GCSAM: variants seen among roughly 807,000 people sequenced by gnomAD.
The protein encoded by GCSAM is germinal center-associated signaling and motility protein.
In GCSAM, 8 loss-of-function variants were observed where a neutral mutation model predicts 17.6. The ratio of observed to expected loss-of-function variants is 0.46; its 90% CI spans 0.27 to 0.82. The LOEUF (loss-of-function observed/expected upper bound fraction) is 0.82, where lower values mean the gene tolerates loss of function less well. Among genes scored for constraint, GCSAM ranks in the 40% least tolerant of loss-of-function variants. The pLI is 0.15. For synonymous variants in GCSAM, 68 were observed against 69.0 expected (o/e 0.98, Z 0.07); for missense variants, 192 against 213.5 (o/e 0.90, Z 0.63).
At chr3:112,128,100 T>C in intron 2 of GCSAM, 39 bp from the exon 3 acceptor site, 1 of 1,585,132 alleles carries the variant, frequency 6.3e-7, no homozygotes, top group Non-Finnish European at 8.7e-7. Flanking sequence ...ATAAGGTTGA[T>C]TTCTGCAGCT....
chr3:112,133,139 G>T lies in GCSAM; in HGVS notation c.-19C>A. The T allele has an allele frequency of 6.2e-7, 1 of 1,613,676 alleles. No individual in the cohort carries two copies. The highest frequency in any genetic ancestry group is 8.5e-7 in the Non-Finnish European group (1 of 1,179,618). On this transcript the variant is annotated 5_prime_UTR_variant, in exon 1 of 6. Transcript: ENST00000308910. ...TTCCCATCCTCTCAGTCCTCTCAGG[G>T]CTTCCCCTCCGTCCCTTTACCACTT...
Position 112,133,243 on chromosome 3 carries a change from C to T in GCSAM, c.-123G>A, listed in dbSNP as rs2074501833. On this transcript the variant is annotated 5_prime_UTR_variant, in exon 1 of 6. Coordinates refer to ENST00000308910, the MANE Select transcript of GCSAM (RefSeq NM_152785.5). ...GTGGCTCTGGCCACCCGTGCAGAGA[C>T]AGCAGAAAGGAGAAGGGTGTCTCTG... 3 of 1,009,818 alleles carry T rather than the reference C, an allele frequency of 3.0e-6. No homozygotes were observed. In the South Asian group the frequency reaches 4.1e-5, roughly 14 times the overall value. The allele number at this position is 1,009,818 out of a possible 1,614,324, so 62.6% of individuals were successfully genotyped here.
In GCSAM at chr3:112,122,792, G is replaced by A. The variant is rs1031071510; in HGVS notation, c.*663C>T. 1 of 152,158 alleles carries A rather than the reference G, an allele frequency of 6.6e-6. No individual in the cohort carries two copies. Among genetic ancestry groups the A allele is most frequent in the African/African-American group, 2.4e-5 (1 of 41,412 alleles). 9.4% of individuals were successfully genotyped at this position (152,158 alleles called of 1,614,324 possible). On this transcript the variant is annotated 3_prime_UTR_variant, in exon 6 of 6. Transcript: ENST00000308910. The stretch of plus-strand genomic sequence containing the variant: ...TCCAAGGATCGTTCTTCTTAACATT[G>A]TCTGATGGCATAATTGTCTTATTAA...
At chr3:112,125,072 C>G (rs1433813350) in intron 5 of GCSAM, among the ~76,000 whole-genome samples, 154 bp downstream of exon 5, 1 of 152,180 alleles carries the variant, frequency 6.6e-6, no homozygotes, top group East Asian at 1.9e-4. Context: ...CCACCCGGCC[C>G]TGCACCTGCC....
In GCSAM at chr3:112,128,054, C is replaced by T. The variant is rs1253059077; in HGVS notation, c.106G>A (p.Asp36Asn). Residue 36 changes from aspartate to asparagine, a missense_variant, in exon 3 of 6, where the codon GAT becomes AAT. By Grantham distance (23) the Asp-to-Asn change is conservative. Transcript: ENST00000308910. ...SPKQRTSRCWDHHIAEGCFCL... is the reference protein window; with the variant it reads ...SPKQRTSRCWNHHIAEGCFCL... ...AAACACCCTTCAGCGATATGGTGAT[C>T]CCAGCATCTAAAATACCCAAGAGAG... The T allele has an allele frequency of 3.1e-6, 5 of 1,613,528 alleles. No homozygotes were observed. The highest frequency in any genetic ancestry group is 4.2e-6 in the Non-Finnish European group (5 of 1,179,664).
intron 4 of GCSAM, 61 bp from the exon 5 acceptor site, chr3:112,125,315 A>G (rs2074292145): frequency 1.8e-6 from 2 of 1,126,560 alleles, no homozygotes; most frequent in Non-Finnish European, 2.7e-6. Flanking sequence ...AGGGAAGAGC[A>G]GGGGAGGCTA....
chr3:112,130,788 A>T, intron 1 of GCSAM: 1 of 463,640 alleles, frequency 2.2e-6, no homozygotes, highest in Non-Finnish European at 4.0e-6. Flanking sequence ...ATATCCAGGG[A>T]TCCTCGTCAT....
chr3:112,132,654 A>G (rs2074485144), intron 1 of GCSAM: 1 of 987,330 alleles, frequency 1.0e-6, no homozygotes, highest in Non-Finnish European at 1.2e-6. Flanking sequence ...CAGGGAGTGC[A>G]CATCAAAGGA....
At position 112,128,369 on chromosome 3, in the gene GCSAM, T is replaced by C. The variant is rs1476795017; in HGVS notation, c.99-308A>G. 5.9e-6 allele frequency: 3 copies of C among 512,168 alleles called. No homozygotes were observed. In the Admixed American group the frequency reaches 9.0e-5, roughly 15 times the overall value. 31.7% of individuals were successfully genotyped at this position (512,168 alleles called of 1,614,324 possible). On this transcript the variant is annotated intron_variant, in intron 2 of 5. Transcript: ENST00000308910. ...TGTAATGAAGAACACGTAAGTGTTA[T>C]CCCCAGGAAATCAAGGTACAAGTGT...
intron 3 of GCSAM, 97 bp from the exon 4 acceptor site, chr3:112,127,130 G>T (rs1280161899): frequency 1.4e-6 from 1 of 733,508 alleles, no homozygotes; most frequent in Non-Finnish European, 2.3e-6. Context: ...CTTTGTTAAA[G>T]TTATATACCT....
Position 112,128,077 on chromosome 3 carries a change from G to C in GCSAM, c.99-16C>G. The C allele has an allele frequency of 6.2e-7, 1 of 1,611,720 alleles. No individual in the cohort carries two copies. The highest frequency in any genetic ancestry group is 8.5e-7 in the Non-Finnish European group (1 of 1,177,906). On this transcript the variant is annotated splice_polypyrimidine_tract_variant and intron_variant, in intron 2 of 5. Transcript: ENST00000308910. ...ATCCCAGCATCTAAAATACCCAAGA[G>C]AGATGGCAAATCATAAGGTTGATTT...
chr3:112,129,043 C>T (rs998159924), intron 2 of GCSAM: 7 of 152,378 alleles, frequency 4.6e-5, no homozygotes, highest in African/African-American at 1.7e-4. Flanking sequence ...AGCATTCTGA[C>T]AACCTCTAAG....
chr3:112,125,399 C>G (rs368602292), intron 4 of GCSAM, 145 bp from the exon 5 acceptor site: 1 of 644,362 alleles, frequency 1.6e-6, no homozygotes. Flanking sequence ...ACAGCACATC[C>G]CTGGGGAGTG....
Position 112,127,021 on chromosome 3 carries a change from GA to G in GCSAM, c.155del (p.Leu52ProfsTer137). The G allele has an allele frequency of 6.3e-7, 1 of 1,584,814 alleles. No homozygotes were observed. The highest frequency in any genetic ancestry group is 8.6e-7 in the Non-Finnish European group (1 of 1,156,858). On this transcript the variant is annotated frameshift_variant, in exon 4 of 6. Coordinates refer to ENST00000308910, the MANE Select transcript of GCSAM (RefSeq NM_152785.5). LOFTEE classifies it high-confidence loss of function. ...GGGAATCTTGCCTCTTTTCAAAAAT[GA>G]GTATTTTTTTCCTGTAAAAGAAAAG... ...GCFCLPWKKILIFEKRQDSQN... is the reference protein window; with the variant it reads ...GCFCLPWKKIXIFEKRQDSQN...
In GCSAM at chr3:112,122,814, T is replaced by C. The variant is rs2074225481; in HGVS notation, c.*641A>G. On this transcript the variant is annotated 3_prime_UTR_variant, in exon 6 of 6. Transcript: ENST00000308910. ...ATTGTCTGATGGCATAATTGTCTTA[T>C]TAAGATTTCTAGGGAGAAATACAAA... 1 of 152,296 alleles carries C rather than the reference T, an allele frequency of 6.6e-6. No individual in the cohort carries two copies. Among genetic ancestry groups the C allele is most frequent in the South Asian group, 2.1e-4 (1 of 4,832 alleles). 9.4% of individuals were successfully genotyped at this position (152,296 alleles called of 1,614,324 possible).
At chr3:112,128,949 C>T (rs1424252269) in intron 2 of GCSAM, 1 of 152,248 alleles carries the variant, frequency 6.6e-6, no homozygotes, top group Non-Finnish European at 1.5e-5. Flanking sequence ...CCCCCGTGAG[C>T]TTTCCCATGA....
At chr3:112,123,912 A>C in intron 5 of GCSAM, 140 bp from the exon 6 acceptor site, 1 of 833,976 alleles carries the variant, frequency 1.2e-6, no homozygotes, top group Non-Finnish European at 1.9e-6. Context: ...ATTTTTTTCT[A>C]AATGGCTGCT....
chr3:112,124,435 C>G (rs1018697234), intron 5 of GCSAM, among the ~76,000 whole-genome samples: 1 of 152,012 alleles, frequency 6.6e-6, no homozygotes, highest in South Asian at 2.1e-4. Context: ...ATGGTGAAAC[C>G]CCATTTCTAC....
chr3:112,132,551 A>G, intron 1 of GCSAM: 1 of 542,420 alleles, frequency 1.8e-6, no homozygotes, highest in Non-Finnish European at 2.4e-6. Flanking sequence ...ATATTGTATT[A>G]TTATTTCTAC....
Sources: gnomAD v4.1 joint callset for allele counts (sites outside exome capture counted in the v4.1 genomes callset) on GRCh38, gnomAD v4.1.1 for gene constraint, MANE v1.5 for transcripts, NCBI Gene and HGNC (gene_info 2026-07-23, HGNC 2026-07-21) for gene names.